SLC35F4: variants seen among roughly 807,000 people sequenced by gnomAD.
The protein encoded by SLC35F4 is chromosome 14 open reading frame 36.
Under a neutral mutation model 44.2 loss-of-function variants are expected in SLC35F4, and 24 were observed. The ratio of observed to expected loss-of-function variants is 0.54; its 90% CI spans 0.39 to 0.76. The LOEUF (loss-of-function observed/expected upper bound fraction) is 0.76. Ranked by LOEUF, SLC35F4 falls within the 30% of genes least tolerant of loss-of-function variation. The pLI, the probability that SLC35F4 is intolerant of heterozygous loss-of-function variation, is 0.00. For missense variants in SLC35F4, 562 were observed against 586.1 expected, an observed-to-expected ratio of 0.96 and a Z score of 0.42; for synonymous variants, 238 against 223.6, an observed-to-expected ratio of 1.06 and a Z score of -0.57.
chr14:57,843,862 C>A (rs934133553), intron 1 of SLC35F4, among the ~76,000 whole-genome samples: 2 of 152,068 alleles, frequency 1.3e-5, no homozygotes, highest in Non-Finnish European at 2.9e-5. Context: ...CTCTTAAATT[C>A]AGTTTTTGTT....
intron 1 of SLC35F4, among the ~76,000 whole-genome samples, chr14:57,883,906 A>G (rs1888594082): frequency 6.6e-6 from 1 of 152,178 alleles, no homozygotes; most frequent in African/African-American, 2.4e-5. Flanking sequence ...AACGTTTTGT[A>G]CAGTATTTGA....
chr14:57,865,787 G>A lies in SLC35F4; in HGVS notation c.39C>T (p.Ile13=), dbSNP rs963692936. ...CGGTGATCCGCAGGATCCGGTCCTCGATAGTGGCCACCCCGTTGGGGGCCG... is the reference window on the plus strand; with the variant it reads ...CGGTGATCCGCAGGATCCGGTCCTCAATAGTGGCCACCCCGTTGGGGGCCG... ...VKAAPNGVAT[I]EDRILRITGY... The change falls in exon 1 of 8, where the codon ATC becomes ATT. Residue 13 remains isoleucine, a synonymous_variant. Transcript: ENST00000556826. The A allele has an allele frequency of 2.6e-6, 4 of 1,522,320 alleles. No homozygotes were observed. Among genetic ancestry groups the A allele is most frequent in the Middle Eastern group, 1.7e-4 (1 of 5,950 alleles). 94.3% of individuals were successfully genotyped at this position (1,522,320 alleles called of 1,614,324 possible).
At chr14:57,565,010 G>A (rs73301888) in intron 7 of SLC35F4, among the ~76,000 whole-genome samples, 8,678 of 152,068 alleles carry the variant, frequency 0.057, 283 homozygotes, top group African/African-American at 0.078. Context: ...GTGTTCTTTC[G>A]TGACTGGCTT....
At chr14:57,854,321 T>TA (rs969660721) in intron 1 of SLC35F4, among the ~76,000 whole-genome samples, 29 of 151,684 alleles carry the variant, frequency 1.9e-4, no homozygotes, top group Non-Finnish European at 2.8e-4. Flanking sequence ...TTATAATTTT[T>TA]AAAAAAAAAT....
intron 1 of SLC35F4, among the ~76,000 whole-genome samples, chr14:57,752,751 A>C (rs1361296185): frequency 6.6e-6 from 1 of 152,078 alleles, no homozygotes; most frequent in Non-Finnish European, 1.5e-5. Flanking sequence ...GAGCCACTGC[A>C]CCTGGCCGGA....
chr14:57,629,523 C>T (rs928731244), intron 1 of SLC35F4, among the ~76,000 whole-genome samples: 2 of 151,882 alleles, frequency 1.3e-5, no homozygotes, highest in Non-Finnish European at 2.9e-5. Context: ...GTTCAGTGCA[C>T]AAATCACATA....
intron 1 of SLC35F4, among the ~76,000 whole-genome samples, chr14:57,770,247 C>T (rs2077331628): frequency 6.6e-6 from 1 of 152,186 alleles, no homozygotes; most frequent in Admixed American, 6.5e-5. Context: ...GGGGCTCTTC[C>T]TGTCCGACAA....
intron 1 of SLC35F4, among the ~76,000 whole-genome samples, chr14:57,698,966 C>T (rs2075459540): frequency 6.6e-6 from 1 of 152,096 alleles, no homozygotes; most frequent in African/African-American, 2.4e-5. Context: ...AGAAGGATGA[C>T]AGCAGATGCC....
intron 1 of SLC35F4, among the ~76,000 whole-genome samples, chr14:57,951,886 C>A (rs1890148215): frequency 6.6e-6 from 1 of 152,204 alleles, no homozygotes; most frequent in African/African-American, 2.4e-5. Context: ...TTTCTGCCTG[C>A]CAGCTCTGAA....
At chr14:57,880,829 C>G (rs185640497) in intron 1 of SLC35F4, among the ~76,000 whole-genome samples, 1 of 152,240 alleles carries the variant, frequency 6.6e-6, no homozygotes, top group Admixed American at 6.5e-5. Context: ...AAGAGCAGAG[C>G]AGACTCCTCG....
rs548711662 is a variant in SLC35F4 at position 57,874,722 on chromosome 14, C to T, written n.282+107191G>A. 1.0e-3 allele frequency among the ~76,000 whole-genome samples: 155 copies of T among 152,246 alleles called. 2 individuals carry two copies. Among genetic ancestry groups the T allele is most frequent in the Non-Finnish European group, 2.0e-3 (136 of 68,004 alleles). On this transcript the variant is annotated intron_variant and non_coding_transcript_variant, in intron 1 of 1. Transcript: ENST00000556568. ...AATCAAATCAAATCTACTCATGTTGCCATCCCTCCCCACCACCTTTCCAAA... is the reference window on the plus strand; with the variant it reads ...AATCAAATCAAATCTACTCATGTTGTCATCCCTCCCCACCACCTTTCCAAA...
intron 1 of SLC35F4, among the ~76,000 whole-genome samples, chr14:57,742,136 C>T (rs1258450266): frequency 3.3e-5 from 5 of 152,174 alleles, no homozygotes; most frequent in African/African-American, 1.2e-4. Flanking sequence ...ATTGTAAAGA[C>T]CATCCAGGCT....
chr14:57,966,110 C>T (rs1890432947), intron 1 of SLC35F4, among the ~76,000 whole-genome samples: 1 of 152,142 alleles, frequency 6.6e-6, no homozygotes. Flanking sequence ...TTAAAGAGTT[C>T]TTTCATGACG....
At chr14:57,916,447 C>G (rs1040548848) in intron 1 of SLC35F4, among the ~76,000 whole-genome samples, 2 of 152,112 alleles carry the variant, frequency 1.3e-5, no homozygotes, top group Non-Finnish European at 2.9e-5. Context: ...ATGATATGCC[C>G]AAGTGTAGGA....
At chr14:57,677,008 G>A (rs991354160) in intron 1 of SLC35F4, among the ~76,000 whole-genome samples, 9 of 152,018 alleles carry the variant, frequency 5.9e-5, no homozygotes, top group African/African-American at 2.2e-4. Context: ...TATGAAACCA[G>A]CCTAAATGCC....
intron 1 of SLC35F4, among the ~76,000 whole-genome samples, chr14:57,882,885 A>G (rs938115552): frequency 1.3e-5 from 2 of 152,168 alleles, no homozygotes; most frequent in Middle Eastern, 3.4e-3. Flanking sequence ...TTCCTCCCCA[A>G]CCCTTGACTT....
intron 1 of SLC35F4, among the ~76,000 whole-genome samples, chr14:57,969,568 G>C (rs1301217239): frequency 6.6e-6 from 1 of 151,960 alleles, no homozygotes; most frequent in African/African-American, 2.4e-5. Context: ...TTTTCACCCA[G>C]TGTGCTATAA....
chr14:57,770,681 A>C (rs866924294), intron 1 of SLC35F4, among the ~76,000 whole-genome samples: 1 of 152,068 alleles, frequency 6.6e-6, no homozygotes. Flanking sequence ...TGGGATTTGC[A>C]TATTTGTGAT....
At chr14:57,794,530 CA>C (rs2078008611) in intron 1 of SLC35F4, among the ~76,000 whole-genome samples, 1 of 152,018 alleles carries the variant, frequency 6.6e-6, no homozygotes, top group Admixed American at 6.6e-5. Flanking sequence ...CCATTATTAA[CA>C]AGTCAAAAAT....
Sources: gnomAD v4.1 joint callset for allele counts (sites outside exome capture counted in the v4.1 genomes callset) on GRCh38, gnomAD v4.1.1 for gene constraint, MANE v1.5 for transcripts, NCBI Gene and HGNC (gene_info 2026-07-23, HGNC 2026-07-21) for gene names.